Variants in PLEC observed in about 807,000 individuals in gnomAD.
PLEC encodes plectin, also known as hemidesmosomal protein 1.
In PLEC, 216 loss-of-function variants were observed where a neutral mutation model predicts 392.8. The observed-to-expected ratio is 0.55, with a 90% CI of 0.49 to 0.62. The LOEUF (loss-of-function observed/expected upper bound fraction) is 0.62. Ranked by LOEUF, PLEC falls within the 20% of genes least tolerant of loss-of-function variation. PLEC has a pLI of 0.00. For synonymous variants in PLEC, 3,621 were observed against 2,980.6 expected, an observed-to-expected ratio of 1.21 and a Z score of -7.00; for missense variants, 6,863 against 6,563.4, an observed-to-expected ratio of 1.05 and a Z score of -1.58.
rs1181197802 is a variant in PLEC, at chr8:143,931,793, C to T, written c.2179-134G>A. On this transcript the variant is annotated intron_variant, in intron 18 of 31. Coordinates refer to ENST00000345136, the MANE Select transcript of PLEC (RefSeq NM_201384.3). Reference sequence around the variant, plus strand: ...CCCCCAGGAGGCCTGGGGAGCACCCCTGTCCAAGGCCCCGGTCAGGCTGCA... The same window carrying T: ...CCCCCAGGAGGCCTGGGGAGCACCCTTGTCCAAGGCCCCGGTCAGGCTGCA... The T allele has an allele frequency of 3.4e-6, 5 of 1,468,950 alleles. No individual in the cohort carries two copies. The Admixed American group carries it at 9.9e-5, about 29-fold the overall frequency. 91.0% of individuals were successfully genotyped at this position (1,468,950 alleles called of 1,614,324 possible). A position where few individuals can be genotyped will look rare whatever the true frequency, so the allele number is the denominator to read the frequency against.
intron 25 of PLEC, 51 bp downstream of exon 25, chr8:143,929,052 C>G (rs1826214392): frequency 6.6e-7 from 1 of 1,506,500 alleles, no homozygotes; most frequent in Non-Finnish European, 9.0e-7. Context: ...GCCCTCACCC[C>G]AGCACCCCCC....
At chr8:143,943,128 G>A (rs982253013), upstream of PLEC, among the ~76,000 whole-genome samples, 1 of 152,212 alleles carries the variant, frequency 6.6e-6, no homozygotes, top group African/African-American at 2.4e-5. Context: ...TCTCAAGTCC[G>A]GGGATCCAGC....
chr8:143,928,423 T>C (rs1423304032), intron 25 of PLEC, among the ~76,000 whole-genome samples: 2 of 151,942 alleles, frequency 1.3e-5, no homozygotes, highest in Non-Finnish European at 1.5e-5. Context: ...GTGCTGGTTC[T>C]GTGAGGAGTA....
At position 143,921,787 on chromosome 8, in the gene PLEC, C is replaced by T. The variant is rs782195564; in HGVS notation, c.8034G>A (p.Thr2678=). ...CTTCCCGCCGTGCGAGCTCGTCCACCGTGGTGTGGCCCTGCGCCAACCGCT... is the reference window on the plus strand; with the variant it reads ...CTTCCCGCCGTGCGAGCTCGTCCACTGTGGTGTGGCCCTGCGCCAACCGCT... ...ELQRLAQGHT[T]VDELARREDV... The change falls in exon 32 of 32, where the codon ACG becomes ACA. Residue 2678 remains threonine (T), a synonymous_variant. Coordinates refer to ENST00000345136, the MANE Select transcript of PLEC (RefSeq NM_201384.3). 60 of 1,610,902 alleles carry T rather than the reference C, an allele frequency of 3.7e-5. No individual in the cohort carries two copies. Among genetic ancestry groups the T allele is most frequent in the South Asian group, 3.5e-4 (32 of 91,062 alleles).
At position 143,938,150 on chromosome 8, in the gene PLEC, C is replaced by G; in HGVS notation, c.264+1G>C. 6.2e-7 allele frequency: 1 copy of G among 1,601,786 alleles called. No homozygotes were observed. Among genetic ancestry groups the G allele is most frequent in the Non-Finnish European group, 8.5e-7 (1 of 1,176,442 alleles). On this transcript the variant is annotated splice_donor_variant, in intron 3 of 31. Coordinates refer to ENST00000345136, the MANE Select transcript of PLEC (RefSeq NM_201384.3). LOFTEE classifies it high-confidence loss of function. ...CCCGGAGGGGGCAGGGGCACACGTA[C>G]CAGGCTGTCCCCCGAGAGGACCTCC...
At chr8:143,942,511 G>A (rs1830689466), upstream of PLEC, 2 of 1,574,636 alleles carry the variant, frequency 1.3e-6, no homozygotes, top group Middle Eastern at 2.2e-4. Context: ...CCCCGCCCCC[G>A]ACATGCCGGC....
chr8:143,951,533 C>T (rs1354645469), upstream of PLEC, among the ~76,000 whole-genome samples: 1 of 152,110 alleles, frequency 6.6e-6, no homozygotes, highest in African/African-American at 2.4e-5. Context: ...TTAACACTTC[C>T]CATTCCAGGC....
intron 1 of PLEC, among the ~76,000 whole-genome samples, chr8:143,948,871 G>T (rs1182317593): frequency 6.6e-6 from 1 of 152,262 alleles, no homozygotes; most frequent in Non-Finnish European, 1.5e-5. Context: ...AGGGGTGCCG[G>T]GTGGGAGAGG....
rs886742360 is a variant in PLEC at position 143,915,963 on chromosome 8, G to C, written c.*214C>G. ...GGTAGAAGGGAGTGAGGAGACCCGA[G>C]GGGGTGAGGCGGCCAGCAGGGCTGG... On this transcript the variant is annotated 3_prime_UTR_variant, in exon 32 of 32. Coordinates refer to ENST00000345136, the MANE Select transcript of PLEC (RefSeq NM_201384.3). 6 of 441,390 alleles carry C rather than the reference G, an allele frequency of 1.4e-5. No homozygotes were observed. The highest frequency in any genetic ancestry group is 2.4e-5 in the Non-Finnish European group (6 of 251,034). 27.3% of individuals were successfully genotyped at this position (441,390 alleles called of 1,614,324 possible). A position where few individuals can be genotyped will look rare whatever the true frequency, so the allele number is the denominator to read the frequency against.
rs200869147 is a variant in PLEC at position 143,939,435 on chromosome 8, C to A, written c.27G>T (p.Pro9=). 6.2e-7 allele frequency: 1 copy of A among 1,612,266 alleles called. No individual in the cohort carries two copies. Among genetic ancestry groups the A allele is most frequent in the Middle Eastern group, 1.7e-4 (1 of 5,974 alleles). MSQHQLRV[P]QPEGLGRKRT... The stretch of plus-strand genomic sequence containing the variant: ...TCTTTCGGCCCAGGCCCTCGGGCTG[C>A]GGCACGCGGAGCTGGTGCTGAGACA... Residue 9 remains proline, a synonymous_variant, in exon 1 of 32, where the codon CCG becomes CCT. Coordinates refer to ENST00000345136, the MANE Select transcript of PLEC (RefSeq NM_201384.3).
intron 1 of PLEC, among the ~76,000 whole-genome samples, chr8:143,959,470 G>A (rs905474916): frequency 1.5e-4 from 23 of 152,390 alleles, no homozygotes; most frequent in African/African-American, 5.5e-4. Flanking sequence ...CCGGGATGCA[G>A]AGGCCCAGGT....
At chr8:143,936,512 C>T (rs1164657214) in intron 5 of PLEC, among the ~76,000 whole-genome samples, 3 of 152,202 alleles carry the variant, frequency 2.0e-5, no homozygotes, top group Non-Finnish European at 2.9e-5. Flanking sequence ...CACTCAGTGG[C>T]ATGCTCAGGC....
chr8:143,938,420 A>AAGGAGAGACC lies in PLEC; in HGVS notation c.175-190_175-181dup, dbSNP rs561199216. 341 of 1,537,626 alleles carry AAGGAGAGACC rather than the reference A, an allele frequency of 2.2e-4. 2 individuals are homozygous for AAGGAGAGACC. The East Asian group carries it at 8.2e-3, about 37-fold the overall frequency. ...ACCTACCTCTGCCCGCCAGTGCTGC[A>AAGGAGAGACC]AGGAGAGACCAGGAAAGACCAGAAG... is the stretch of plus-strand genomic sequence containing the variant. On this transcript the variant is annotated intron_variant, in intron 2 of 31. Coordinates refer to ENST00000345136, the MANE Select transcript of PLEC (RefSeq NM_201384.3).
chr8:143,946,687 C>T (rs1310931190), intron 1 of PLEC: 1 of 248,500 alleles, frequency 4.0e-6, no homozygotes, highest in Non-Finnish European at 8.3e-6. Context: ...CAGCAGACCC[C>T]CCGCCCAGCA....
chr8:143,930,242 G>C lies in PLEC; in HGVS notation c.2514C>G (p.His838Gln), dbSNP rs1826792195. ...TGCCGGAGCTGCTGAGCACCTTCCA[G>C]TGGGACGGCTGTGCAGGGCCCACCA... ...CQLVGPAQPS[H>Q]WKVLSSSGSE... is the part of the protein sequence containing the mutation. The change falls in exon 21 of 32, where the codon CAC becomes CAG. Residue 838 changes from histidine (H) to glutamine (Q), a missense_variant. Physicochemically the swap from His to Gln is conservative, Grantham distance 24. Coordinates refer to ENST00000345136, the MANE Select transcript of PLEC (RefSeq NM_201384.3). 1 of 1,597,752 alleles carries C rather than the reference G, an allele frequency of 6.3e-7. No homozygotes were observed. The highest frequency in any genetic ancestry group is 8.5e-7 in the Non-Finnish European group (1 of 1,177,134).
rs199995144 is a variant in PLEC at position 143,921,999 on chromosome 8, C to T, written c.7822G>A (p.Ala2608Thr). 8.0e-5 allele frequency: 128 copies of T among 1,598,288 alleles called. No individual in the cohort carries two copies. The highest frequency in any genetic ancestry group is 1.9e-4 in the South Asian group (17 of 90,988). Reference protein sequence around the residue: ...LQLLEEQHRAALAHSEEVTAS... With the variant: ...LQLLEEQHRATLAHSEEVTAS... ...GTGACCTCCTCTGAGTGCGCCAGCG[C>T]GGCCCGGTGCTGCTCCTCCAGGAGC... is the stretch of plus-strand genomic sequence containing the variant. The change falls in exon 32 of 32, where the codon GCG becomes ACG. Residue 2608 changes from alanine to threonine, a missense_variant. Transcript: ENST00000345136.
rs782778814 is a variant in PLEC at position 143,923,300 on chromosome 8, T to G, written c.6629A>C (p.Gln2210Pro). The change falls in exon 31 of 32, where the codon CAG (glutamine) becomes CCG (proline). Residue 2210 changes from glutamine (Q) to proline (P), a missense_variant. Coordinates refer to ENST00000345136, the MANE Select transcript of PLEC (RefSeq NM_201384.3). ...HQKNLLDEEL[Q>P]RLKAEATEAA... ...CTCCGTGGCCTCCGCCTTCAGCCGC[T>G]GCAGCTCCTCGTCCAGCAGGTTCTT... 1 of 1,609,172 alleles carries G rather than the reference T, an allele frequency of 6.2e-7. No individual in the cohort carries two copies.
intron 25 of PLEC, 36 bp downstream of exon 25, chr8:143,929,067 G>A (rs900132828): frequency 1.2e-5 from 19 of 1,542,180 alleles, no homozygotes; most frequent in South Asian, 1.1e-4. Context: ...CCCCCCAGCC[G>A]ACCCCAGCCC....
upstream of PLEC, chr8:143,953,578 CT>C: frequency 1.1e-6 from 1 of 879,972 alleles, no homozygotes; most frequent in Non-Finnish European, 1.8e-6. Context: ...GGGGACGAGT[CT>C]GGGGTCTCCT....
Sources: gnomAD v4.1 joint callset for allele counts (sites outside exome capture counted in the v4.1 genomes callset) on GRCh38, gnomAD v4.1.1 for gene constraint, MANE v1.5 for transcripts, NCBI Gene and HGNC (gene_info 2026-07-23, HGNC 2026-07-21) for gene names.